Variants in BLMH observed in about 807,000 individuals in gnomAD.
BLMH encodes the protein bleomycin hydrolase.
Under a neutral mutation model 61.6 loss-of-function variants are expected in BLMH, and 32 were observed. The ratio of observed to expected loss-of-function variants is 0.52; its 90% confidence interval spans 0.39 to 0.70. The LOEUF (loss-of-function observed/expected upper bound fraction) is 0.70, where lower values mean the gene tolerates loss of function less well. Among genes scored for constraint, BLMH ranks in the 30% least tolerant of loss-of-function variants. The pLI is 0.00. For missense variants in BLMH, 460 were observed against 555.5 expected (o/e 0.83, Z 1.73); for synonymous variants, 183 against 193.8 (o/e 0.94, Z 0.46).
chr17:30,253,036 G>C (rs1907715811), intron 11 of BLMH, among the ~76,000 whole-genome samples: 1 of 152,072 alleles, frequency 6.6e-6, no homozygotes, highest in Non-Finnish European at 1.5e-5. Flanking sequence ...TCCCAAAAAG[G>C]AGCTTTCAGC....
intron 10 of BLMH, among the ~76,000 whole-genome samples, chr17:30,270,594 G>A (rs1001443401): frequency 6.6e-6 from 1 of 151,828 alleles, no homozygotes; most frequent in African/African-American, 2.4e-5. Context: ...GAATATTTTT[G>A]CTTGTGGTGG....
chr17:30,284,407 G>A (rs1482436609), intron 6 of BLMH, among the ~76,000 whole-genome samples: 3 of 152,100 alleles, frequency 2.0e-5, no homozygotes, highest in Non-Finnish European at 4.4e-5. Flanking sequence ...AAGATTTAAA[G>A]GAAAACACAA....
chr17:30,271,179 C>G, intron 10 of BLMH, 92 bp downstream of exon 10: 1 of 982,758 alleles, frequency 1.0e-6, no homozygotes, highest in Non-Finnish European at 1.6e-6. Flanking sequence ...AAATCATATA[C>G]ACTATGAATG....
At chr17:30,285,654 A>G in intron 5 of BLMH, 174 bp from the exon 6 acceptor site, 1 of 465,072 alleles carries the variant, frequency 2.2e-6, no homozygotes, top group Non-Finnish European at 3.8e-6. Flanking sequence ...ATAGCTAAAA[A>G]TGCTTTCCAT....
intron 11 of BLMH, among the ~76,000 whole-genome samples, chr17:30,259,838 C>T (rs563938373): frequency 6.6e-6 from 1 of 152,306 alleles, no homozygotes; most frequent in Admixed American, 6.5e-5. Context: ...ACTGCTTTCT[C>T]TCACGACACT....
In BLMH at chr17:30,271,404, T is replaced by C. The variant is rs1046446028; in HGVS notation, c.1029-16A>G. On this transcript the variant is annotated splice_polypyrimidine_tract_variant and intron_variant, in intron 9 of 11. Transcript: ENST00000261714. ...ATGGTCATAGCTGTAAAAAGAATGA[T>C]AGTACAAAATAAAGGGAGTACGATC... is the stretch of plus-strand genomic sequence containing the variant. 8 of 1,594,248 alleles carry C rather than the reference T, an allele frequency of 5.0e-6. No individual in the cohort carries two copies. The highest frequency in any genetic ancestry group is 2.2e-5 in the East Asian group (1 of 44,796).
intron 11 of BLMH, among the ~76,000 whole-genome samples, chr17:30,255,654 TTTGGGAG>T (rs1907792193): frequency 6.6e-6 from 1 of 152,152 alleles, no homozygotes; most frequent in Non-Finnish European, 1.5e-5. Context: ...ATCCCAGCAC[TTTGGGAG>T]GCCGAGGCGG....
chr17:30,264,339 CA>C, intron 11 of BLMH, among the ~76,000 whole-genome samples: 1 of 152,124 alleles, frequency 6.6e-6, no homozygotes, highest in East Asian at 1.9e-4. Context: ...AGAAGGATTA[CA>C]GGAGAGTTAC....
At chr17:30,259,681 C>T (rs967385091) in intron 11 of BLMH, among the ~76,000 whole-genome samples, 2 of 152,234 alleles carry the variant, frequency 1.3e-5, no homozygotes, top group African/African-American at 4.8e-5. Context: ...TCCTGTGTCA[C>T]AGGTGAATAA....
At chr17:30,261,365 TAAATAC>T (rs1285204496) in intron 11 of BLMH, among the ~76,000 whole-genome samples, 1 of 152,194 alleles carries the variant, frequency 6.6e-6, no homozygotes, top group Admixed American at 6.5e-5. Flanking sequence ...TGAGGAGAAA[TAAATAC>T]AAATACATTA....
intron 6 of BLMH, among the ~76,000 whole-genome samples, chr17:30,275,952 G>C (rs1481891921): frequency 6.6e-6 from 1 of 152,006 alleles, no homozygotes; most frequent in Non-Finnish European, 1.5e-5. Context: ...TATTGTGCTA[G>C]ATACTATGTA....
chr17:30,275,039 TA>T (rs539113684), intron 6 of BLMH, among the ~76,000 whole-genome samples: 2,424 of 125,426 alleles, frequency 0.019, 27 homozygotes, highest in African/African-American at 0.04. Context: ...AGTCATGGTT[TA>T]AAAAAAAAAA....
chr17:30,275,384 G>A (rs141762781), intron 6 of BLMH, among the ~76,000 whole-genome samples: 449 of 152,236 alleles, frequency 2.9e-3, no homozygotes, highest in Non-Finnish European at 4.8e-3. Flanking sequence ...AACAAGGCTG[G>A]GCACAGTGGC....
At chr17:30,269,569 C>T (rs1908208263) in intron 10 of BLMH, among the ~76,000 whole-genome samples, 1 of 152,014 alleles carries the variant, frequency 6.6e-6, no homozygotes, top group South Asian at 2.1e-4. Flanking sequence ...ACTTAAATCA[C>T]CTTTTGCTGT....
intron 11 of BLMH, among the ~76,000 whole-genome samples, chr17:30,251,581 G>C (rs531708911): frequency 6.6e-6 from 1 of 152,356 alleles, no homozygotes; most frequent in African/African-American, 2.4e-5. Context: ...ACCTAGGCCT[G>C]TGCTATACCA....
intron 2 of BLMH, 35 bp downstream of exon 2, chr17:30,291,276 G>A (rs1473522776): frequency 6.3e-7 from 1 of 1,593,468 alleles, no homozygotes; most frequent in African/African-American, 1.3e-5. Context: ...TGTCAGGAAG[G>A]TCAAGGAACG....
intron 2 of BLMH, among the ~76,000 whole-genome samples, chr17:30,290,175 TC>T (rs1415113567): frequency 5.9e-5 from 9 of 152,268 alleles, no homozygotes; most frequent in African/African-American, 1.9e-4. Flanking sequence ...TCACCTCTCT[TC>T]TATATGCTAT....
At chr17:30,279,056 A>C (rs1383581247) in intron 6 of BLMH, among the ~76,000 whole-genome samples, 1 of 152,224 alleles carries the variant, frequency 6.6e-6, no homozygotes, top group Non-Finnish European at 1.5e-5. Context: ...GCTTTCCAAA[A>C]TGCTGGAAAG....
In BLMH at chr17:30,272,798, G is replaced by A; in HGVS notation, c.903C>T (p.Asn301=). The change falls in exon 8 of 12, where the codon AAC becomes AAT. Residue 301 remains asparagine, a synonymous_variant. Transcript: ENST00000261714. The part of the protein sequence containing the change: ...NMVGGRKTLY[N]NQPIDFLKKM... ...TTTTCAGGAAGTCAATGGGCTGGTTGTTGTATAGAGTTTTTCTCCCTCCAA... is the reference window on the plus strand; with the variant it reads ...TTTTCAGGAAGTCAATGGGCTGGTTATTGTATAGAGTTTTTCTCCCTCCAA... The A allele has an allele frequency of 6.2e-7, 1 of 1,614,196 alleles. No homozygotes were observed. The highest frequency in any genetic ancestry group is 8.5e-7 in the Non-Finnish European group (1 of 1,180,044).
Sources: allele counts gnomAD v4.1 joint callset (sites outside exome capture counted in the v4.1 genomes callset), GRCh38; gene constraint gnomAD v4.1.1; transcripts MANE v1.5; gene names NCBI Gene and HGNC (gene_info 2026-07-23, HGNC 2026-07-21).